Variants in SOX5 observed in about 807,000 individuals in gnomAD.
SOX5 encodes the protein transcription factor SOX-5.
In SOX5, 9 loss-of-function variants were observed where a neutral mutation model predicts 92.0. That is an observed-to-expected ratio of 0.10 (90% CI 0.06 to 0.17). The LOEUF is 0.17. Ranked by LOEUF, SOX5 falls within the 10% of genes least tolerant of loss-of-function variation. The pLI is 1.00. For missense variants in SOX5, 642 were observed against 944.5 expected (o/e 0.68, Z 4.20); for synonymous variants, 344 against 336.3 (o/e 1.02, Z -0.25).
chr12:24,298,421 C>A (rs747992358), intron 2 of SOX5, among the ~76,000 whole-genome samples: 1 of 152,168 alleles, frequency 6.6e-6, no homozygotes, highest in Admixed American at 6.5e-5. Context: ...TCTTACAAAA[C>A]ATTATCAAAC....
intron 6 of SOX5, among the ~76,000 whole-genome samples, chr12:23,685,162 G>T (rs2087299484): frequency 6.6e-6 from 1 of 152,012 alleles, no homozygotes; most frequent in African/African-American, 2.4e-5. Context: ...CAGAAAATAG[G>T]CAACCCTAAA....
chr12:24,104,932 A>G (rs766245307), intron 4 of SOX5, among the ~76,000 whole-genome samples: 7 of 152,222 alleles, frequency 4.6e-5, no homozygotes, highest in Non-Finnish European at 1.0e-4. Context: ...TAGTCCTGTC[A>G]GGTTTGAAAT....
At chr12:23,978,429 G>A (rs968553041) in intron 4 of SOX5, among the ~76,000 whole-genome samples, 4 of 152,164 alleles carry the variant, frequency 2.6e-5, no homozygotes, top group African/African-American at 9.7e-5. Flanking sequence ...AGCAATATTA[G>A]TTACACACAG....
rs1941247608 is a variant in SOX5 at position 24,445,007 on chromosome 12, A to AT, written c.-250-76369dup. ...CTACAGCAACAATAAATACTAGATG[A>AT]TTTTTTCTGTACCATCTGAAAGAAC... On this transcript the variant is annotated intron_variant, in intron 1 of 4. Transcript: ENST00000446891. Among the ~76,000 whole-genome samples, 4 of 152,226 alleles carry AT rather than the reference A, an allele frequency of 2.6e-5. No homozygotes were observed. In the South Asian group the frequency reaches 6.2e-4, roughly 24 times the overall value.
chr12:24,141,940 TTAACTA>T (rs1950625108), intron 4 of SOX5, among the ~76,000 whole-genome samples: 1 of 152,006 alleles, frequency 6.6e-6, no homozygotes, highest in South Asian at 2.1e-4. Flanking sequence ...GAAGGAATCC[TTAACTA>T]TAAGGTAAGG....
intron 4 of SOX5, among the ~76,000 whole-genome samples, chr12:24,200,726 G>T (rs1368198141): frequency 6.6e-6 from 1 of 152,140 alleles, no homozygotes; most frequent in Non-Finnish European, 1.5e-5. Context: ...TATTGCAGGT[G>T]CCAGATGAGA....
At chr12:23,571,754 C>T (rs11046979) in intron 10 of SOX5, among the ~76,000 whole-genome samples, 38,590 of 151,952 alleles carry the variant, frequency 0.25, 5,080 homozygotes, top group East Asian at 0.31. Context: ...GAACTGTCTA[C>T]GCTCTGACAA....
intron 1 of SOX5, among the ~76,000 whole-genome samples, chr12:24,370,822 T>C (rs528185029): frequency 6.6e-6 from 1 of 152,196 alleles, no homozygotes; most frequent in Non-Finnish European, 1.5e-5. Flanking sequence ...ACTGGTTTCC[T>C]AACAAAATAT....
chr12:24,557,314 G>A (rs532797513), intron 1 of SOX5, among the ~76,000 whole-genome samples: 9 of 151,532 alleles, frequency 5.9e-5, no homozygotes. Context: ...CTTGAACCCA[G>A]GAGGCGGAGG....
At chr12:24,427,694 T>C (rs1319422857) in intron 1 of SOX5, among the ~76,000 whole-genome samples, 1 of 152,220 alleles carries the variant, frequency 6.6e-6, no homozygotes, top group Non-Finnish European at 1.5e-5. Context: ...AACTACAGAA[T>C]CATCTCAGAT....
intron 1 of SOX5, among the ~76,000 whole-genome samples, chr12:24,456,144 C>T (rs1273546252): frequency 6.6e-6 from 1 of 152,144 alleles, no homozygotes; most frequent in Non-Finnish European, 1.5e-5. Context: ...TGGAGGGCAA[C>T]ATAGAGATAC....
chr12:23,817,418 G>A (rs1016924727), intron 3 of SOX5, among the ~76,000 whole-genome samples: 2 of 152,146 alleles, frequency 1.3e-5, no homozygotes, highest in Admixed American at 6.5e-5. Context: ...GCACCCAAAG[G>A]AAAGCAATTA....
At chr12:23,985,777 T>C (rs1342797507) in intron 4 of SOX5, among the ~76,000 whole-genome samples, 1 of 152,100 alleles carries the variant, frequency 6.6e-6, no homozygotes, top group East Asian at 1.9e-4. Flanking sequence ...ATTATCTTGG[T>C]GGTCAGAAGT....
At chr12:23,979,699 T>G (rs1364391945) in intron 4 of SOX5, among the ~76,000 whole-genome samples, 3 of 23,620 alleles carry the variant, frequency 1.3e-4, no homozygotes, top group South Asian at 1.9e-3. Context: ...TATATATATG[T>G]TTTTTTTGTT....
intron 1 of SOX5, among the ~76,000 whole-genome samples, chr12:24,559,370 A>T (rs1033681849): frequency 1.3e-5 from 2 of 152,196 alleles, no homozygotes; most frequent in African/African-American, 4.8e-5. Flanking sequence ...CCTGCTGGAA[A>T]TCTAAACAGT....
chr12:23,953,569 A>T (rs1289995383), upstream of SOX5, among the ~76,000 whole-genome samples: 2 of 152,078 alleles, frequency 1.3e-5, no homozygotes, highest in Admixed American at 6.5e-5. Context: ...AAAGAATTTT[A>T]AAAAGTTATA....
chr12:24,435,794 T>G (rs986071375), intron 1 of SOX5, among the ~76,000 whole-genome samples: 3 of 152,224 alleles, frequency 2.0e-5, no homozygotes, highest in Non-Finnish European at 2.9e-5. Context: ...AAATTGAAGG[T>G]TTGTGACAAC....
intron 4 of SOX5, among the ~76,000 whole-genome samples, chr12:24,127,642 G>A (rs187394803): frequency 3.3e-5 from 5 of 152,232 alleles, no homozygotes; most frequent in Admixed American, 2.6e-4. Context: ...TTGTTTTACA[G>A]CCTTGACAAG....
At chr12:24,439,620 C>A (rs146013152) in intron 1 of SOX5, among the ~76,000 whole-genome samples, 2 of 152,206 alleles carry the variant, frequency 1.3e-5, no homozygotes, top group South Asian at 4.1e-4. Flanking sequence ...ATAGTCCGGG[C>A]GCAGTAGCTC....
Sources: allele counts gnomAD v4.1 joint callset (sites outside exome capture counted in the v4.1 genomes callset), GRCh38; gene constraint gnomAD v4.1.1; transcripts MANE v1.5; gene names NCBI Gene and HGNC (gene_info 2026-07-23, HGNC 2026-07-21).